The following CNOT1 variants were observed in gnomAD, a reference collection of about 807,000 sequenced individuals.
The protein encoded by CNOT1 is CCR4-NOT transcription complex subunit 1.
CNOT1 carries 15 observed loss-of-function variants against 273.8 expected under a neutral mutation model. That is an observed-to-expected ratio of 0.05 (90% CI 0.04 to 0.08). The LOEUF is 0.08. CNOT1 is among the 10% of genes least tolerant of loss of function. CNOT1 has a pLI of 1.00. For synonymous variants in CNOT1, 1,022 were observed against 1,005.5 expected (o/e 1.02, Z -0.31); for missense variants, 1,644 against 2,912.2 (o/e 0.56, Z 10.02).
At chr16:58,565,534 A>C (rs1294119674) in intron 16 of CNOT1, among the ~76,000 whole-genome samples, 1 of 152,202 alleles carries the variant, frequency 6.6e-6, no homozygotes, top group African/African-American at 2.4e-5. Context: ...AACTATTCCC[A>C]CAATGCTCTT....
chr16:58,593,347 G>A (rs1299089497), intron 2 of CNOT1, among the ~76,000 whole-genome samples: 2 of 152,056 alleles, frequency 1.3e-5, no homozygotes, highest in African/African-American at 4.8e-5. Flanking sequence ...ATCACCTGAG[G>A]TCGGGAGTTC....
In CNOT1 at chr16:58,615,918, C is replaced by T. The variant is rs1207119363; in HGVS notation, c.-175+13810G>A. 1.9e-5 allele frequency among the ~76,000 whole-genome samples: 2 copies of T among 104,354 alleles called. 1 individual carries two copies. The highest frequency in any genetic ancestry group is 4.2e-4 in the East Asian group (2 of 4,720). The allele number at this position is 104,354 out of a possible 152,430, so 68.5% of individuals were successfully genotyped here. A position where few individuals can be genotyped will look rare whatever the true frequency, so the allele number is the denominator to read the frequency against. ...GCAACATAGAATAACCCCATCTCTA[C>T]TTTTTTTTTTTTTTTTTAATTAGCA... On this transcript the variant is annotated intron_variant, in intron 1 of 48. Transcript: ENST00000317147.
intron 8 of CNOT1, among the ~76,000 whole-genome samples, chr16:58,583,574 T>A (rs1037665731): frequency 6.6e-6 from 1 of 152,154 alleles, no homozygotes; most frequent in Non-Finnish European, 1.5e-5. Context: ...AGCAAGTATT[T>A]CCGCTTGGGC....
chr16:58,574,053 T>A (rs1333727520), intron 16 of CNOT1, among the ~76,000 whole-genome samples: 2 of 151,432 alleles, frequency 1.3e-5, no homozygotes, highest in African/African-American at 4.9e-5. Context: ...GAGTTTGAGA[T>A]CAGCTCGGGC....
Position 58,532,090 on chromosome 16 carries a change from A to G in CNOT1, c.6060-15T>C. ...GGAATGTATTGCTGAAAGAAGAAAA[A>G]CCTTAGTCAGAAGCACAGTCCAACT... On this transcript the variant is annotated splice_polypyrimidine_tract_variant and intron_variant, in intron 41 of 48. Transcript: ENST00000317147. 2 of 1,613,798 alleles carry G rather than the reference A, an allele frequency of 1.2e-6. No individual in the cohort carries two copies. Among genetic ancestry groups the G allele is most frequent in the African/African-American group, 1.3e-5 (1 of 75,026 alleles).
chr16:58,542,126 C>A, intron 33 of CNOT1, 105 bp downstream of exon 33: 1 of 1,353,942 alleles, frequency 7.4e-7, no homozygotes, highest in East Asian at 2.4e-5. Flanking sequence ...TTCTCATAAA[C>A]AATATTTAAC....
chr16:58,580,501 TTAAGA>T (rs760422024), intron 12 of CNOT1, 127 bp downstream of exon 12: 391 of 1,355,904 alleles, frequency 2.9e-4, no homozygotes, highest in Admixed American at 5.2e-4. Flanking sequence ...CTATAAATAC[TTAAGA>T]TAAGTAAGGT....
intron 1 of CNOT1, among the ~76,000 whole-genome samples, chr16:58,603,726 G>A (rs2042563171): frequency 6.6e-6 from 1 of 151,944 alleles, no homozygotes; most frequent in Non-Finnish European, 1.5e-5. Context: ...TGCCCTTCTT[G>A]TGGACAGCAA....
chr16:58,569,703 G>GA (rs1363022713), intron 16 of CNOT1, among the ~76,000 whole-genome samples: 1 of 133,306 alleles, frequency 7.5e-6, no homozygotes, highest in Non-Finnish European at 1.6e-5. Context: ...CTGAGAAAAT[G>GA]AAAAAAAAGG....
chr16:58,601,872 TA>T (rs10713432), intron 1 of CNOT1, among the ~76,000 whole-genome samples: 104,199 of 144,238 alleles, frequency 0.72, 37,563 homozygotes, highest in Middle Eastern at 0.86. Context: ...CCCTGTCTAT[TA>T]AAAAAAAAAA....
intron 1 of CNOT1, among the ~76,000 whole-genome samples, chr16:58,610,792 G>A (rs2042869575): frequency 6.6e-6 from 1 of 151,940 alleles, no homozygotes; most frequent in South Asian, 2.1e-4. Context: ...GCAGTGAGCC[G>A]AGGTCGCACC....
intron 16 of CNOT1, among the ~76,000 whole-genome samples, chr16:58,561,904 G>A (rs1211609739): frequency 1.3e-5 from 2 of 152,168 alleles, no homozygotes; most frequent in East Asian, 3.8e-4. Context: ...GCCGGGTGCG[G>A]TGGCTCATGC....
At chr16:58,564,311 A>T (rs2151948826) in intron 16 of CNOT1, among the ~76,000 whole-genome samples, 1 of 152,078 alleles carries the variant, frequency 6.6e-6, no homozygotes. Flanking sequence ...ATATTTTACC[A>T]ATCACAAAAA....
Position 58,538,072 on chromosome 16 carries a change from G to A in CNOT1, c.5245-12C>T, listed in dbSNP as rs757447134. The A allele has an allele frequency of 2.5e-6, 4 of 1,614,128 alleles. No individual in the cohort carries two copies. The South Asian group carries it at 4.4e-5, about 18-fold the overall frequency. On this transcript the variant is annotated splice_polypyrimidine_tract_variant and intron_variant, in intron 37 of 48. Transcript: ENST00000317147. Reference sequence around the variant, plus strand: ...CCATTCTCCATTGACTGGCAACACAGAAAACATAATGTGAGAGGGAAAACA... The same window carrying A: ...CCATTCTCCATTGACTGGCAACACAAAAAACATAATGTGAGAGGGAAAACA...
At position 58,547,160 on chromosome 16, in the gene CNOT1, T is replaced by A; in HGVS notation, c.3750+26A>T. The A allele has an allele frequency of 6.3e-7, 1 of 1,597,180 alleles. No homozygotes were observed. The highest frequency in any genetic ancestry group is 8.5e-7 in the Non-Finnish European group (1 of 1,172,780). ...CAAAGCAATGCTTAGAAATTAGTCA[T>A]AAATAAAATATTAAAATCTACTCAC... is the stretch of plus-strand genomic sequence containing the variant. On this transcript the variant is annotated intron_variant, in intron 27 of 48. Transcript: ENST00000317147. This position sits in a 1 kb window ranked among gnomAD's most constrained non-coding sequence, Gnocchi z 4.0.
chr16:58,619,432 CTT>C (rs1023753231), intron 1 of CNOT1, among the ~76,000 whole-genome samples: 17 of 144,532 alleles, frequency 1.2e-4, no homozygotes, highest in Admixed American at 1.4e-4. Context: ...CATTTTCTTT[CTT>C]TTTTTTTTTT....
chr16:58,559,230 A>G (rs2040749162), intron 17 of CNOT1, among the ~76,000 whole-genome samples: 1 of 152,084 alleles, frequency 6.6e-6, no homozygotes, highest in Non-Finnish European at 1.5e-5. Flanking sequence ...AGCATTTTGG[A>G]TTTACAGATT....
In CNOT1 at chr16:58,599,518, A is replaced by T; in HGVS notation, c.-174-7T>A. ...CTGTTCTGAAACATGGCACCTGTTT[A>T]AAAAAACACACACACACAAATCCAG... On this transcript the variant is annotated splice_polypyrimidine_tract_variant and splice_region_variant and intron_variant, in intron 1 of 48. Transcript: ENST00000317147. 1 of 651,320 alleles carries T rather than the reference A, an allele frequency of 1.5e-6. No homozygotes were observed. Among genetic ancestry groups the T allele is most frequent in the Non-Finnish European group, 2.5e-6 (1 of 406,680 alleles). The allele number at this position is 651,320 out of a possible 1,614,324, so 40.3% of individuals were successfully genotyped here.
intron 39 of CNOT1, among the ~76,000 whole-genome samples, chr16:58,535,729 C>CTTT (rs934094766): frequency 6.9e-6 from 1 of 145,034 alleles, no homozygotes; most frequent in Admixed American, 6.9e-5. Flanking sequence ...AACCTAATTT[C>CTTT]TTTTTTTTTT....
Sources: gnomAD v4.1 joint callset for allele counts (sites outside exome capture counted in the v4.1 genomes callset) on GRCh38, gnomAD v4.1.1 for gene constraint, Gnocchi (gnomAD v3.1) non-coding constraint, MANE v1.5 for transcripts, NCBI Gene and HGNC (gene_info 2026-07-23, HGNC 2026-07-21) for gene names.